The following DNAH7 variants were observed in gnomAD, a reference collection of about 807,000 sequenced individuals.
DNAH7 encodes the protein dynein axonemal heavy chain 7, also known as axonemal beta dynein heavy chain 7.
A neutral mutation model predicts 444.6 loss-of-function variants in DNAH7; 397 were observed. The ratio of observed to expected loss-of-function variants is 0.89; its 90% CI spans 0.82 to 0.97. DNAH7 has a LOEUF of 0.97. DNAH7 is among the 50% of genes least tolerant of loss of function. DNAH7 has a pLI of 0.00. For missense variants in DNAH7, 4,902 were observed against 4,800.8 expected (o/e 1.02, Z -0.62); for synonymous variants, 1,636 against 1,624.4 (o/e 1.01, Z -0.17).
intron 40 of DNAH7, among the ~76,000 whole-genome samples, chr2:195,866,018 T>C (rs991817550): frequency 1.3e-5 from 2 of 152,334 alleles, no homozygotes; most frequent in African/African-American, 2.4e-5. Flanking sequence ...TAGTCTGTAT[T>C]ATTTTGTTAA....
intron 31 of DNAH7, 102 bp from the exon 32 acceptor site, chr2:195,889,083 G>C: frequency 9.2e-7 from 1 of 1,091,820 alleles, no homozygotes; most frequent in Non-Finnish European, 1.3e-6. Context: ...TAAGTACTAG[G>C]ATTAATTTCA....
At chr2:195,754,153 TTC>T (rs897832310) in intron 63 of DNAH7, among the ~76,000 whole-genome samples, 182 bp downstream of exon 63, 4 of 152,188 alleles carry the variant, frequency 2.6e-5, no homozygotes, top group East Asian at 1.9e-4. Flanking sequence ...CCCCTTCTCT[TTC>T]TCTCTCTTTC....
At chr2:196,011,196 G>T (rs893060823) in intron 10 of DNAH7, among the ~76,000 whole-genome samples, 1 of 152,234 alleles carries the variant, frequency 6.6e-6, no homozygotes, top group Admixed American at 6.5e-5. Flanking sequence ...AAATGTTTGA[G>T]GTGATGGATA....
At position 195,910,155 on chromosome 2, in the gene DNAH7, G is replaced by A. The variant is rs1421813798; in HGVS notation, c.3976C>T (p.Pro1326Ser). ...TTCCCAGTGCCAGCTGGACCCTCAG[G>A]TGCTCCTCCAAGGTGCAAATGAAGG... is the stretch of plus-strand genomic sequence containing the variant. ...GALHLHLGGA[P>S]EGPAGTGKTE... The change falls in exon 25 of 65, where the codon CCT becomes TCT. Residue 1326 changes from proline (P) to serine (S), a missense_variant. Physicochemically the swap from Pro to Ser is moderately conservative, Grantham distance 74. Transcript: ENST00000312428. 3 of 1,613,140 alleles carry A rather than the reference G, an allele frequency of 1.9e-6. No individual in the cohort carries two copies. Among genetic ancestry groups the A allele is most frequent in the South Asian group, 1.1e-5 (1 of 90,894 alleles).
Position 195,989,387 on chromosome 2 carries a change from A to C in DNAH7, c.1354-1158T>G, listed in dbSNP as rs193073029. On this transcript the variant is annotated intron_variant, in intron 12 of 64. Coordinates refer to ENST00000312428, the MANE Select transcript of DNAH7 (RefSeq NM_018897.3). ...TTTCAAGAACAGCTATTCTAACTAG[A>C]GTGAGGTGACATCTCATTGTGGTTT... Among the ~76,000 whole-genome samples the C allele has an allele frequency of 1.2e-4, 19 of 152,280 alleles. No individual in the cohort carries two copies. In the East Asian group the frequency reaches 3.5e-3, roughly 28 times the overall value.
chr2:195,957,834 T>C (rs1276504428), intron 18 of DNAH7, among the ~76,000 whole-genome samples: 4 of 152,158 alleles, frequency 2.6e-5, no homozygotes, highest in African/African-American at 4.8e-5. Context: ...TTTCTGTATA[T>C]GTCATAGCAA....
chr2:195,832,282 T>C (rs1455884260), intron 48 of DNAH7, among the ~76,000 whole-genome samples: 1 of 152,178 alleles, frequency 6.6e-6, no homozygotes, highest in Non-Finnish European at 1.5e-5. Flanking sequence ...GATTTGTGAC[T>C]GACATCACAG....
chr2:195,824,269 C>T lies in DNAH7; in HGVS notation c.9277G>A (p.Glu3093Lys). The change falls in exon 49 of 65, where the codon GAA (glutamate) becomes AAA (lysine). Residue 3093 changes from glutamate to lysine, a missense_variant. Transcript: ENST00000312428. ...TATATACTGGCCTTTACTGATGTTT[C>T]AGGAAGATAATGAGGATTTCTTAAC... ...TKLRNPHYLP[E>K]TSVKVTLLNF... 6.2e-7 allele frequency: 1 copy of T among 1,611,902 alleles called. No homozygotes were observed.
chr2:195,997,341 G>A (rs192456803), intron 12 of DNAH7, among the ~76,000 whole-genome samples: 83 of 152,104 alleles, frequency 5.5e-4, no homozygotes, highest in Non-Finnish European at 7.8e-4. Context: ...GTGAAACCCC[G>A]TCTCTACTAA....
chr2:195,756,338 T>C, intron 61 of DNAH7, 53 bp from the exon 62 acceptor site: 3 of 1,426,474 alleles, frequency 2.1e-6, no homozygotes, highest in Non-Finnish European at 2.8e-6. Context: ...TGATAGATTA[T>C]AAGCAACCAC....
intron 8 of DNAH7, 72 bp from the exon 9 acceptor site, chr2:196,019,367 ATAAT>A: frequency 8.2e-7 from 1 of 1,214,690 alleles, no homozygotes; most frequent in African/African-American, 1.6e-5. Flanking sequence ...ATTTTGGGTA[ATAAT>A]TATTTAATTT....
intron 19 of DNAH7, among the ~76,000 whole-genome samples, chr2:195,940,756 C>G (rs113350994): frequency 2.0e-5 from 3 of 151,740 alleles, no homozygotes; most frequent in African/African-American, 7.3e-5. Flanking sequence ...ATGTGGCCAA[C>G]AAACCTATGA....
chr2:196,015,480 T>C (rs189502541), intron 9 of DNAH7, among the ~76,000 whole-genome samples: 2 of 152,308 alleles, frequency 1.3e-5, no homozygotes, highest in East Asian at 3.9e-4. Flanking sequence ...ACTATGATGA[T>C]TTATATTACA....
Position 196,001,824 on chromosome 2 carries a change from C to G in DNAH7, c.1024G>C (p.Gly342Arg), listed in dbSNP as rs1236138323. The G allele has an allele frequency of 2.3e-5, 37 of 1,610,346 alleles. No homozygotes were observed. Among genetic ancestry groups the G allele is most frequent in the Non-Finnish European group, 2.8e-5 (33 of 1,178,760 alleles). ...GTTGGCAATTGCTTTTTTTTATTACCTTGGTAATAAATATTCTGCACTTCT... is the reference window on the plus strand; with the variant it reads ...GTTGGCAATTGCTTTTTTTTATTACGTTGGTAATAAATATTCTGCACTTCT... ...FPEVQNIYYQ[G>R]NKKKQLPTGD... is the part of the protein sequence containing the mutation. Residue 342 changes from glycine to arginine, a missense_variant, in exon 11 of 65, where the codon GGT becomes CGT. Transcript: ENST00000312428.
At chr2:195,826,575 A>T (rs901925713) in intron 48 of DNAH7, among the ~76,000 whole-genome samples, 1 of 152,234 alleles carries the variant, frequency 6.6e-6, no homozygotes, top group Non-Finnish European at 1.5e-5. Context: ...TTTGATAGAT[A>T]AAAAATACTG....
Position 195,796,751 on chromosome 2 carries a change from T to C in DNAH7, c.10354-14A>G, listed in dbSNP as rs1461994927. On this transcript the variant is annotated splice_polypyrimidine_tract_variant and intron_variant, in intron 55 of 64. Coordinates refer to ENST00000312428, the MANE Select transcript of DNAH7 (RefSeq NM_018897.3). The stretch of plus-strand genomic sequence containing the variant: ...TCCCCCATATCCCTGTGTACAAGAA[T>C]AGTAGAGATGTTATTTAAAATCACA... 6 of 1,598,648 alleles carry C rather than the reference T, an allele frequency of 3.8e-6. No homozygotes were observed. The African/African-American group carries it at 6.8e-5, about 18-fold the overall frequency.
chr2:195,750,910 T>C (rs1378864014), intron 63 of DNAH7, among the ~76,000 whole-genome samples: 1 of 152,238 alleles, frequency 6.6e-6, no homozygotes. Flanking sequence ...CCTTCCAGTA[T>C]GGTGCTAAAT....
chr2:196,036,264 C>T (rs538611026), intron 5 of DNAH7, among the ~76,000 whole-genome samples: 1 of 152,072 alleles, frequency 6.6e-6, no homozygotes, highest in Non-Finnish European at 1.5e-5. Context: ...GAACTCCTGA[C>T]CTCAGGTGAT....
Position 195,987,096 on chromosome 2 carries a change from A to C in DNAH7, c.1724T>G (p.Met575Arg). ...DIICGKLLAKMFRDHQEVNTR... is the reference protein window; with the variant it reads ...DIICGKLLAKRFRDHQEVNTR... ...ATTTACTTCCTGATGATCTCTGAAC[A>C]TTTTAGCTAGAAGTTTCCCACAAAT... The change falls in exon 14 of 65, where the codon ATG becomes AGG. Residue 575 changes from methionine (M) to arginine (R), a missense_variant. Coordinates refer to ENST00000312428, the MANE Select transcript of DNAH7 (RefSeq NM_018897.3). 1 of 1,605,748 alleles carries C rather than the reference A, an allele frequency of 6.2e-7. No homozygotes were observed. Among genetic ancestry groups the C allele is most frequent in the Non-Finnish European group, 8.5e-7 (1 of 1,177,744 alleles).
Sources: gnomAD v4.1 joint callset for allele counts (sites outside exome capture counted in the v4.1 genomes callset) on GRCh38, gnomAD v4.1.1 for gene constraint, MANE v1.5 for transcripts, NCBI Gene and HGNC (gene_info 2026-07-23, HGNC 2026-07-21) for gene names.